The following PRKAR2B variants were observed in gnomAD, a reference collection of about 807,000 sequenced individuals.
PRKAR2B encodes cAMP-dependent protein kinase type II-beta regulatory subunit.
Under a neutral mutation model 49.9 loss-of-function variants are expected in PRKAR2B, and 14 were observed. The ratio of observed to expected loss-of-function variants is 0.28; its 90% CI spans 0.19 to 0.44. The LOEUF (loss-of-function observed/expected upper bound fraction) is 0.44, where lower values mean the gene tolerates loss of function less well. Among genes scored for constraint, PRKAR2B ranks in the 20% least tolerant of loss-of-function variants. The pLI, the probability that PRKAR2B is intolerant of heterozygous loss-of-function variation, is 1.00. For missense variants in PRKAR2B, 393 were observed against 537.9 expected, an observed-to-expected ratio of 0.73 and a Z score of 2.67; for synonymous variants, 196 against 197.7, an observed-to-expected ratio of 0.99 and a Z score of 0.07.
At chr7:107,071,521 C>T (rs571329102) in intron 2 of PRKAR2B, among the ~76,000 whole-genome samples, 5 of 152,194 alleles carry the variant, frequency 3.3e-5, no homozygotes, top group Admixed American at 1.3e-4. Flanking sequence ...GTCAGTAAGG[C>T]GTCGAATTTT....
chr7:107,115,471 A>G (rs183629946), intron 2 of PRKAR2B, among the ~76,000 whole-genome samples: 46 of 152,326 alleles, frequency 3.0e-4, no homozygotes, highest in Non-Finnish European at 5.0e-4. Flanking sequence ...GTAACTTAAT[A>G]TTTTGATGCA....
chr7:107,131,929 T>C (rs1416298258), intron 4 of PRKAR2B, among the ~76,000 whole-genome samples: 2 of 152,262 alleles, frequency 1.3e-5, no homozygotes, highest in Non-Finnish European at 2.9e-5. Context: ...TCTTGACTAC[T>C]ATGTTTCAAG....
At chr7:107,056,550 C>G (rs888596289) in intron 1 of PRKAR2B, among the ~76,000 whole-genome samples, 1 of 152,134 alleles carries the variant, frequency 6.6e-6, no homozygotes, top group Non-Finnish European at 1.5e-5. Context: ...TAAGTTGATT[C>G]CTAGGTATTT....
At chr7:107,155,168 G>C (rs189774641) in intron 8 of PRKAR2B, among the ~76,000 whole-genome samples, 91 of 152,326 alleles carry the variant, frequency 6.0e-4, no homozygotes, top group Non-Finnish European at 1.1e-3. Flanking sequence ...AACTATGTAT[G>C]CTGTTATCTA....
At chr7:107,137,875 T>A (rs1001547915) in intron 4 of PRKAR2B, among the ~76,000 whole-genome samples, 2 of 152,178 alleles carry the variant, frequency 1.3e-5, no homozygotes, top group African/African-American at 4.8e-5. Flanking sequence ...ATCTTTTATC[T>A]TTAGTGTTCT....
intron 2 of PRKAR2B, among the ~76,000 whole-genome samples, chr7:107,098,897 C>T (rs946877481): frequency 2.0e-5 from 3 of 152,260 alleles, no homozygotes; most frequent in Middle Eastern, 3.4e-3. Flanking sequence ...CATAGGGGCA[C>T]CCAGCTGTAT....
At chr7:107,119,523 TTAGAGAGC>T (rs2115579188) in intron 2 of PRKAR2B, among the ~76,000 whole-genome samples, 1 of 152,318 alleles carries the variant, frequency 6.6e-6, no homozygotes, top group African/African-American at 2.4e-5. Context: ...GGACAGAAAG[TTAGAGAGC>T]CAAGCTTTAG....
chr7:107,068,195 C>T (rs1385112385), intron 1 of PRKAR2B, among the ~76,000 whole-genome samples: 1 of 152,090 alleles, frequency 6.6e-6, no homozygotes, highest in Admixed American at 6.6e-5. Context: ...CCTAAGGACC[C>T]CAGGAAAACA....
chr7:107,157,489 A>AT (rs2115683290), intron 10 of PRKAR2B, among the ~76,000 whole-genome samples, 165 bp downstream of exon 10: 1 of 152,266 alleles, frequency 6.6e-6, no homozygotes, highest in East Asian at 1.9e-4. Context: ...TGTGGAAGCC[A>AT]TTTTTTCTTC....
intron 1 of PRKAR2B, among the ~76,000 whole-genome samples, chr7:107,050,256 A>ATT (rs1793775411): frequency 6.6e-6 from 1 of 151,488 alleles, no homozygotes; most frequent in Non-Finnish European, 1.5e-5. Flanking sequence ...CTAAACAGAA[A>ATT]TTGAAGCATT....
chr7:107,157,377 T>C (rs759150836), intron 10 of PRKAR2B, 53 bp downstream of exon 10: 3 of 1,560,708 alleles, frequency 1.9e-6, no homozygotes, highest in Non-Finnish European at 2.6e-6. Context: ...ATGTCTGCAT[T>C]TTATGTATTC....
At chr7:107,101,228 C>T (rs1192035728) in intron 2 of PRKAR2B, among the ~76,000 whole-genome samples, 6 of 134,424 alleles carry the variant, frequency 4.5e-5, no homozygotes, top group East Asian at 2.2e-4. Context: ...TTCTGCTTTT[C>T]GTTTGTTTGT....
chr7:107,103,257 A>G (rs1432596750), intron 2 of PRKAR2B, among the ~76,000 whole-genome samples: 3 of 152,236 alleles, frequency 2.0e-5, no homozygotes, highest in Non-Finnish European at 4.4e-5. Flanking sequence ...ACAATGTTAT[A>G]GTAAAACTGA....
Position 107,045,002 on chromosome 7 carries a change from C to T in PRKAR2B, c.95C>T (p.Ala32Val). ...RHQPADLLEF[A>V]LQHFTRLQQE... ...CAGCCCGCGGACCTGCTGGAGTTCG[C>T]GCTGCAGCACTTCACCCGCCTGCAG... Residue 32 changes from alanine (A) to valine (V), a missense_variant, in exon 1 of 11, where the codon GCG becomes GTG. Ala to Val is a moderately conservative substitution (Grantham distance 64). Coordinates refer to ENST00000265717, the MANE Select transcript of PRKAR2B (RefSeq NM_002736.3). 1 of 1,551,902 alleles carries T rather than the reference C, an allele frequency of 6.4e-7. No individual in the cohort carries two copies. Among genetic ancestry groups the T allele is most frequent in the Non-Finnish European group, 8.7e-7 (1 of 1,150,754 alleles).
chr7:107,128,205 CT>C lies in PRKAR2B; in HGVS notation c.397-3del. ...GTCTTTGTTTTTTAAATCTGATGTC[CT>C]TTTAGATTATACATCCAAAAACTGA... is the stretch of plus-strand genomic sequence containing the variant. On this transcript the variant is annotated splice_region_variant and splice_polypyrimidine_tract_variant and intron_variant, in intron 3 of 10. Coordinates refer to ENST00000265717, the MANE Select transcript of PRKAR2B (RefSeq NM_002736.3). 6.3e-7 allele frequency: 1 copy of C among 1,589,734 alleles called. No individual in the cohort carries two copies. Among genetic ancestry groups the C allele is most frequent in the Non-Finnish European group, 8.6e-7 (1 of 1,158,834 alleles).
chr7:107,067,982 C>G (rs1430740035), intron 1 of PRKAR2B, among the ~76,000 whole-genome samples: 3 of 152,092 alleles, frequency 2.0e-5, no homozygotes, highest in Non-Finnish European at 4.4e-5. Context: ...AAAAGTTATG[C>G]AGGACAAAAG....
At chr7:107,099,120 G>A (rs1197047254) in intron 2 of PRKAR2B, among the ~76,000 whole-genome samples, 2 of 152,226 alleles carry the variant, frequency 1.3e-5, no homozygotes, top group African/African-American at 2.4e-5. Context: ...CAGAGGTGGA[G>A]TCTACAGAGG....
intron 2 of PRKAR2B, among the ~76,000 whole-genome samples, chr7:107,083,759 C>T (rs1161079052): frequency 6.6e-6 from 1 of 151,736 alleles, no homozygotes; most frequent in African/African-American, 2.4e-5. Context: ...ATTACAGGCG[C>T]CCACAACCAT....
intron 2 of PRKAR2B, among the ~76,000 whole-genome samples, chr7:107,114,424 C>CCAT (rs1795232983): frequency 6.6e-6 from 1 of 151,226 alleles, no homozygotes; most frequent in Admixed American, 6.6e-5. Flanking sequence ...TGCAGTGGCA[C>CCAT]CATCTCGGCT....
Sources: gnomAD v4.1 joint callset for allele counts (sites outside exome capture counted in the v4.1 genomes callset) on GRCh38, gnomAD v4.1.1 for gene constraint, MANE v1.5 for transcripts, NCBI Gene and HGNC (gene_info 2026-07-23, HGNC 2026-07-21) for gene names.